IKZF1: variants seen among roughly 807,000 people sequenced by gnomAD.
IKZF1 encodes the protein IKAROS family zinc finger 1.
A neutral mutation model predicts 51.7 loss-of-function variants in IKZF1; 10 were observed. The observed-to-expected ratio is 0.19, with a 90% CI of 0.12 to 0.33. IKZF1 has a LOEUF of 0.33. Ranked by LOEUF, IKZF1 falls within the 10% of genes least tolerant of loss-of-function variation. The probability of loss-of-function intolerance (pLI) is 1.00; values close to 1 mark genes in which losing one functional copy is unlikely to be tolerated. For synonymous variants in IKZF1, 280 were observed against 282.3 expected (o/e 0.99, Z 0.08); for missense variants, 484 against 707.5 (o/e 0.68, Z 3.58).
intron 1 of IKZF1, among the ~76,000 whole-genome samples, chr7:50,317,436 C>T (rs1465339241): frequency 6.6e-6 from 1 of 152,140 alleles, no homozygotes; most frequent in African/African-American, 2.4e-5. Context: ...GTGGCTTTTC[C>T]CCTTTTTTAC....
chr7:50,337,510 C>T (rs1798073298), intron 3 of IKZF1, among the ~76,000 whole-genome samples: 2 of 152,134 alleles, frequency 1.3e-5, no homozygotes, highest in Non-Finnish European at 2.9e-5. Context: ...CCTTGCCCTG[C>T]CTTATAGCAG....
intron 2 of IKZF1, among the ~76,000 whole-genome samples, chr7:50,323,795 A>G (rs775534103): frequency 6.6e-6 from 1 of 152,246 alleles, no homozygotes; most frequent in Non-Finnish European, 1.5e-5. Context: ...ATGTGCATAT[A>G]GTTTACCAAA....
At chr7:50,378,037 G>A (rs891017968) in intron 4 of IKZF1, among the ~76,000 whole-genome samples, 2 of 152,120 alleles carry the variant, frequency 1.3e-5, no homozygotes, top group African/African-American at 4.8e-5. Context: ...CCGTGGGGGC[G>A]AACAAAAATA....
chr7:50,304,047 G>A (rs1475142638), upstream of IKZF1: 1 of 145,110 alleles, frequency 6.9e-6, no homozygotes, highest in Non-Finnish European at 1.5e-5. Flanking sequence ...TGCGCGCGGG[G>A]GTGGCGGCGG....
At chr7:50,397,297 G>C (rs1816965888) in intron 7 of IKZF1, among the ~76,000 whole-genome samples, 1 of 152,112 alleles carries the variant, frequency 6.6e-6, no homozygotes, top group Admixed American at 6.5e-5. Context: ...TGTTCCTTTA[G>C]CTGATTGCTG....
At chr7:50,303,876 C>G (rs1288126057), upstream of IKZF1, among the ~76,000 whole-genome samples, 2 of 147,566 alleles carry the variant, frequency 1.4e-5, no homozygotes, top group Non-Finnish European at 3.0e-5. The surrounding 1 kb of genome is among the most constrained non-coding windows in gnomAD (Gnocchi z 4.7). Flanking sequence ...GTCGCCCGCG[C>G]CGCGCCCCCA....
intron 3 of IKZF1, among the ~76,000 whole-genome samples, chr7:50,336,927 G>T (rs1797927310): frequency 6.6e-6 from 1 of 152,198 alleles, no homozygotes; most frequent in Admixed American, 6.5e-5. Flanking sequence ...GCCTTTAATT[G>T]TCTAAGAGAG....
chr7:50,332,300 C>T, intron 3 of IKZF1, among the ~76,000 whole-genome samples: 1 of 151,954 alleles, frequency 6.6e-6, no homozygotes, highest in East Asian at 1.9e-4. Flanking sequence ...TTTTTTTCCT[C>T]CTCCTTTATA....
chr7:50,375,028 G>A (rs7809377), intron 3 of IKZF1, among the ~76,000 whole-genome samples: 15,545 of 151,952 alleles, frequency 0.1, 881 homozygotes, highest in Middle Eastern at 0.14. Context: ...GCAACTCTGG[G>A]TTGAGCCTGA....
intron 1 of IKZF1, among the ~76,000 whole-genome samples, chr7:50,310,242 T>C (rs1330635301): frequency 4.6e-5 from 7 of 152,186 alleles, no homozygotes; most frequent in Non-Finnish European, 7.4e-5. Flanking sequence ...ATTTACAGAA[T>C]TTTCACTTTA....
At chr7:50,331,651 G>C (rs1179001898) in intron 3 of IKZF1, among the ~76,000 whole-genome samples, 1 of 152,080 alleles carries the variant, frequency 6.6e-6, no homozygotes, top group Non-Finnish European at 1.5e-5. Flanking sequence ...TATGAGGAGG[G>C]TGCAAAGTTA....
In IKZF1 at chr7:50,402,299, C is replaced by T. The variant is rs1451432931; in HGVS notation, c.*1672C>T. 3 of 230,580 alleles carry T rather than the reference C, an allele frequency of 1.3e-5. No homozygotes were observed. The East Asian group carries it at 1.8e-4, about 14-fold the overall frequency. The allele number at this position is 230,580 out of a possible 1,614,324, so 14.3% of individuals were successfully genotyped here. On this transcript the variant is annotated 3_prime_UTR_variant, in exon 8 of 8. Transcript: ENST00000331340. ...GTACATAAGTACCTCAGCATTTAAT[C>T]CAAACAGGGGTTCTTAGTCTCAGCA...
intron 3 of IKZF1, among the ~76,000 whole-genome samples, chr7:50,356,416 C>G (rs1354902653): frequency 6.6e-6 from 1 of 152,150 alleles, no homozygotes; most frequent in Admixed American, 6.5e-5. Flanking sequence ...AGCTCATACT[C>G]TTCTAGCAGT....
chr7:50,347,588 A>G (rs1447741911), intron 3 of IKZF1, among the ~76,000 whole-genome samples: 2 of 152,196 alleles, frequency 1.3e-5, no homozygotes, highest in Non-Finnish European at 2.9e-5. Context: ...CTTGACTTCT[A>G]CTTTACTTTA....
intron 3 of IKZF1, among the ~76,000 whole-genome samples, chr7:50,336,765 GT>G (rs1797889480): frequency 1.3e-5 from 2 of 152,194 alleles, no homozygotes; most frequent in Admixed American, 6.5e-5. Flanking sequence ...CAGAGTAGGG[GT>G]TCGCATGAGA....
At chr7:50,396,424 C>G (rs572446765) in intron 7 of IKZF1, among the ~76,000 whole-genome samples, 41 of 151,730 alleles carry the variant, frequency 2.7e-4, no homozygotes, top group African/African-American at 9.2e-4. Context: ...CTCTTTTTTC[C>G]TCTTACTCTG....
intron 4 of IKZF1, chr7:50,377,355 G>A (rs1425917024): frequency 2.0e-5 from 3 of 153,712 alleles, no homozygotes; most frequent in Non-Finnish European, 2.9e-5. Flanking sequence ...TGAATCAGAT[G>A]CTTCTATTGC....
intron 3 of IKZF1, among the ~76,000 whole-genome samples, chr7:50,356,322 G>T (rs866713808): frequency 2.0e-5 from 3 of 152,196 alleles, no homozygotes; most frequent in Non-Finnish European, 4.4e-5. Context: ...AGATGGTCTG[G>T]AGCCAGCGCA....
chr7:50,336,873 C>T (rs1797916710), intron 3 of IKZF1, among the ~76,000 whole-genome samples: 1 of 152,274 alleles, frequency 6.6e-6, no homozygotes, highest in Admixed American at 6.5e-5. Context: ...TCAGGAGGGA[C>T]AGCCAACAAA....
Sources: gnomAD v4.1 joint callset for allele counts (sites outside exome capture counted in the v4.1 genomes callset) on GRCh38, gnomAD v4.1.1 for gene constraint, Gnocchi (gnomAD v3.1) non-coding constraint, MANE v1.5 for transcripts, NCBI Gene and HGNC (gene_info 2026-07-23, HGNC 2026-07-21) for gene names.